ACAP2: variants seen among roughly 807,000 people sequenced by gnomAD.
ACAP2 encodes the protein ArfGAP with coiled-coil, ankyrin repeat and PH domains 2.
In ACAP2, 39 loss-of-function variants were observed where a neutral mutation model predicts 115.8. That is an observed-to-expected ratio of 0.34 (90% confidence interval 0.26 to 0.44). The LOEUF is 0.44. Among genes scored for constraint, ACAP2 ranks in the 20% least tolerant of loss-of-function variants. The pLI is 1.00. For synonymous variants in ACAP2, 289 were observed against 315.8 expected (o/e 0.92, Z 0.90); for missense variants, 662 against 927.6 (o/e 0.71, Z 3.72).
chr3:195,328,274 C>T (rs866541403), intron 8 of ACAP2, among the ~76,000 whole-genome samples: 33 of 152,234 alleles, frequency 2.2e-4, no homozygotes, highest in African/African-American at 7.7e-4. Flanking sequence ...AATGTCTACA[C>T]ATTTTAAGTT....
At position 195,279,401 on chromosome 3, in the gene ACAP2, C is replaced by A. The variant is rs371113193; in HGVS notation, c.2264G>T (p.Arg755Leu). Residue 755 changes from arginine (R) to leucine (L), a missense_variant, in exon 23 of 23, where the codon CGT becomes CTT. Arg to Leu is a moderately radical substitution (Grantham distance 102). Transcript: ENST00000326793. ...PGDETYQDIF[R>L]DFSQMASNNP... is the part of the protein sequence containing the mutation. ...ATTGGATGCCATTTGGGAAAAATCA[C>A]GAAATATGTCCTGATAAGTTTCATC... 5.0e-6 allele frequency: 8 copies of A among 1,605,620 alleles called. No homozygotes were observed. The highest frequency in any genetic ancestry group is 1.1e-5 in the South Asian group (1 of 89,250).
At chr3:195,356,247 C>A (rs753311685) in intron 4 of ACAP2, 1 of 454,208 alleles carries the variant, frequency 2.2e-6, no homozygotes, top group Admixed American at 2.4e-5. Context: ...CTGCCAATCC[C>A]GGCAGAACTC....
Position 195,277,136 on chromosome 3 carries a change from G to T in ACAP2, c.*2192C>A, listed in dbSNP as rs1459778339. 1 of 152,118 alleles carries T rather than the reference G, an allele frequency of 6.6e-6. No homozygotes were observed. Among genetic ancestry groups the T allele is most frequent in the Non-Finnish European group, 1.5e-5 (1 of 68,028 alleles). The allele number at this position is 152,118 out of a possible 1,614,324, so 9.4% of individuals were successfully genotyped here. ...TGAATGAAACACGCACCAATGGCCA[G>T]ATCCAAAAGGAAAACTACCTAGACT... On this transcript the variant is annotated 3_prime_UTR_variant, in exon 23 of 23. Transcript: ENST00000326793.
intron 1 of ACAP2, among the ~76,000 whole-genome samples, chr3:195,418,983 TTTCTA>T (rs1713956418): frequency 6.6e-6 from 1 of 152,300 alleles, no homozygotes; most frequent in Non-Finnish European, 1.5e-5. Context: ...ACTGTATTGT[TTTCTA>T]TTCTGTTTCT....
intron 22 of ACAP2, among the ~76,000 whole-genome samples, chr3:195,284,464 C>T (rs1003130149): frequency 5.9e-5 from 9 of 152,094 alleles, no homozygotes; most frequent in Non-Finnish European, 1.3e-4. Flanking sequence ...CATCATGAGC[C>T]GCCTACTATT....
chr3:195,400,350 T>C (rs963987606), intron 1 of ACAP2, among the ~76,000 whole-genome samples: 6 of 152,104 alleles, frequency 3.9e-5, no homozygotes, highest in Non-Finnish European at 8.8e-5. Context: ...ATGATTTCAA[T>C]AGTCACTTCC....
At chr3:195,385,739 T>G (rs2108760080) in intron 2 of ACAP2, among the ~76,000 whole-genome samples, 1 of 152,252 alleles carries the variant, frequency 6.6e-6, no homozygotes, top group African/African-American at 2.4e-5. Flanking sequence ...TATCAAGAAT[T>G]CCAGGAATGT....
At chr3:195,344,222 T>A (rs940733431) in intron 5 of ACAP2, among the ~76,000 whole-genome samples, 3 of 151,876 alleles carry the variant, frequency 2.0e-5, no homozygotes, top group African/African-American at 7.3e-5. Flanking sequence ...TGTCTCTATA[T>A]TTAAAAAAGA....
At chr3:195,380,009 G>A (rs1343545923) in intron 4 of ACAP2, among the ~76,000 whole-genome samples, 1 of 152,032 alleles carries the variant, frequency 6.6e-6, no homozygotes, top group Non-Finnish European at 1.5e-5. Context: ...ATAACGATGT[G>A]GAGAACTTGG....
chr3:195,394,864 G>A (rs919835139), intron 1 of ACAP2, among the ~76,000 whole-genome samples: 2 of 151,850 alleles, frequency 1.3e-5, no homozygotes, highest in Admixed American at 1.3e-4. Context: ...GTTACAGTGA[G>A]CTATGACTGC....
At chr3:195,399,976 C>T (rs112067630) in intron 1 of ACAP2, among the ~76,000 whole-genome samples, 3,245 of 151,702 alleles carry the variant, frequency 0.021, 114 homozygotes, top group East Asian at 0.1. Flanking sequence ...GTTGGGAGTT[C>T]GAGAGCAGCC....
intron 1 of ACAP2, among the ~76,000 whole-genome samples, chr3:195,434,653 G>A (rs75995230): frequency 0.022 from 3,346 of 152,310 alleles, 117 homozygotes; most frequent in East Asian, 0.1. Flanking sequence ...TTTCTTAAAG[G>A]AGTGTGAATG....
intron 4 of ACAP2, among the ~76,000 whole-genome samples, chr3:195,375,675 G>A (rs9878312): frequency 0.17 from 25,830 of 151,998 alleles, 2,434 homozygotes; most frequent in Admixed American, 0.28. Flanking sequence ...AGCTGAGCAC[G>A]GTGATGCATG....
At chr3:195,415,578 T>C (rs1417555856) in intron 1 of ACAP2, among the ~76,000 whole-genome samples, 2 of 151,998 alleles carry the variant, frequency 1.3e-5, no homozygotes, top group Non-Finnish European at 2.9e-5. Context: ...CCCAGCCAAG[T>C]CCATTTTTTA....
chr3:195,376,394 G>GAT (rs1242990413), intron 4 of ACAP2, among the ~76,000 whole-genome samples: 12 of 151,338 alleles, frequency 7.9e-5, no homozygotes, highest in African/African-American at 1.2e-4. Flanking sequence ...TCTCAAAAAA[G>GAT]ATATATATAT....
rs1726165682 is a variant in ACAP2 at position 195,275,708 on chromosome 3, C to A, written c.*3620G>T. On this transcript the variant is annotated 3_prime_UTR_variant, in exon 23 of 23. Coordinates refer to ENST00000326793, the MANE Select transcript of ACAP2 (RefSeq NM_012287.6). ...CCTGCTCTGTAAAACAAAAGGAGCA[C>A]CCTAGGATCAAAAAAGTAGACAACT... 1.3e-5 allele frequency: 2 copies of A among 152,100 alleles called. No homozygotes were observed. Among genetic ancestry groups the A allele is most frequent in the African/African-American group, 2.4e-5 (1 of 41,410 alleles). 9.4% of individuals were successfully genotyped at this position (152,100 alleles called of 1,614,324 possible).
chr3:195,281,104 A>G lies in ACAP2; in HGVS notation c.2237-1676T>C, dbSNP rs188800764. 3.9e-5 allele frequency among the ~76,000 whole-genome samples: 6 copies of G among 152,304 alleles called. No homozygotes were observed. In the East Asian group the frequency reaches 5.8e-4, roughly 15 times the overall value. ...ACAGCATAAGCCAAGATTTTGAATTAAAAAAATGTTAATACTTTTGGCCCG... is the reference window on the plus strand; with the variant it reads ...ACAGCATAAGCCAAGATTTTGAATTGAAAAAATGTTAATACTTTTGGCCCG... On this transcript the variant is annotated intron_variant, in intron 22 of 22. Transcript: ENST00000326793.
intron 4 of ACAP2, among the ~76,000 whole-genome samples, chr3:195,379,700 A>G (rs1733819094): frequency 6.6e-6 from 1 of 152,224 alleles, no homozygotes; most frequent in Admixed American, 6.5e-5. Context: ...GCCAATTGGG[A>G]GGCTACAGTA....
intron 8 of ACAP2, among the ~76,000 whole-genome samples, chr3:195,330,526 G>C (rs1730098659): frequency 6.6e-6 from 1 of 152,138 alleles, no homozygotes; most frequent in African/African-American, 2.4e-5. Flanking sequence ...CATAAGATGA[G>C]AGCGCAATCT....
Sources: gnomAD v4.1 joint callset for allele counts (sites outside exome capture counted in the v4.1 genomes callset) on GRCh38, gnomAD v4.1.1 for gene constraint, MANE v1.5 for transcripts, NCBI Gene and HGNC (gene_info 2026-07-23, HGNC 2026-07-21) for gene names.